Variants in MCF2L observed in about 807,000 individuals in gnomAD.
The protein encoded by MCF2L is MCF.2 cell line derived transforming sequence like.
Under a neutral mutation model 153.4 loss-of-function variants are expected in MCF2L, and 97 were observed. The observed-to-expected ratio is 0.63, with a 90% CI of 0.54 to 0.75. The LOEUF is 0.75. Ranked by LOEUF, MCF2L falls within the 30% of genes least tolerant of loss-of-function variation. MCF2L has a pLI of 0.00. For synonymous variants in MCF2L, 659 were observed against 632.2 expected (o/e 1.04, Z -0.64); for missense variants, 1,347 against 1,495.2 (o/e 0.90, Z 1.64).
Position 113,096,881 on chromosome 13 carries a change from C to G in MCF2L, c.*22C>G. The G allele has an allele frequency of 2.9e-6, 4 of 1,377,596 alleles. No individual in the cohort carries two copies. The highest frequency in any genetic ancestry group is 3.7e-6 in the Non-Finnish European group (4 of 1,069,972). 85.3% of individuals were successfully genotyped at this position (1,377,596 alleles called of 1,614,324 possible). A position where few individuals can be genotyped will look rare whatever the true frequency, so the allele number is the denominator to read the frequency against. The stretch of plus-strand genomic sequence containing the variant: ...GTAGCGCGGCCTCGGCGCCGGAGAC[C>G]CGCGCGCTGTCTGGGGCTGCGGTGG... On this transcript the variant is annotated 3_prime_UTR_variant, in exon 30 of 30. Transcript: ENST00000535094.
intron 2 of MCF2L, among the ~76,000 whole-genome samples, chr13:112,954,381 G>A (rs564601768): frequency 1.3e-5 from 2 of 152,260 alleles, no homozygotes; most frequent in South Asian, 2.1e-4. Context: ...AAACCTCGAG[G>A]AGGCAGCACC....
intron 15 of MCF2L, among the ~76,000 whole-genome samples, chr13:113,079,660 GTC>G (rs969661096): frequency 6.6e-6 from 1 of 152,216 alleles, no homozygotes; most frequent in African/African-American, 2.4e-5. Flanking sequence ...TGAAAGCTGA[GTC>G]TGTCACTTCC....
intron 2 of MCF2L, chr13:112,909,432 G>C: frequency 1.4e-6 from 1 of 696,216 alleles, no homozygotes; most frequent in Non-Finnish European, 2.6e-6. Context: ...GGGCAGGCCT[G>C]AGCATTCACC....
chr13:113,089,583 CCT>C (rs775363877), intron 25 of MCF2L, 25 bp from the exon 26 acceptor site: 194 of 1,500,482 alleles, frequency 1.3e-4, no homozygotes, highest in Non-Finnish European at 1.8e-4. Context: ...CACACTATTT[CCT>C]TTTTGATTTG....
chr13:112,919,463 C>T (rs1002031814), intron 2 of MCF2L, among the ~76,000 whole-genome samples: 1 of 152,030 alleles, frequency 6.6e-6, no homozygotes, highest in African/African-American at 2.4e-5. Context: ...CCTCGGCCTC[C>T]CAAAGTGCTG....
At chr13:113,079,674 G>A (rs1417103599) in intron 15 of MCF2L, among the ~76,000 whole-genome samples, 1 of 152,188 alleles carries the variant, frequency 6.6e-6, no homozygotes, top group Non-Finnish European at 1.5e-5. Flanking sequence ...GTCACTTCCG[G>A]CTTCTGATGG....
chr13:112,918,382 G>A (rs994155124), intron 2 of MCF2L, among the ~76,000 whole-genome samples: 2 of 152,206 alleles, frequency 1.3e-5, no homozygotes, highest in African/African-American at 2.4e-5. Context: ...AGTAGACTGG[G>A]AGAGAGAGCA....
intron 1 of MCF2L, among the ~76,000 whole-genome samples, chr13:112,973,107 T>A (rs1200920839): frequency 6.6e-6 from 1 of 151,922 alleles, no homozygotes; most frequent in Non-Finnish European, 1.5e-5. Context: ...GAGCTCTCAG[T>A]GGAGTAGGTG....
intron 2 of MCF2L, among the ~76,000 whole-genome samples, chr13:112,918,625 C>A (rs2081321099): frequency 6.6e-6 from 1 of 152,178 alleles, no homozygotes; most frequent in South Asian, 2.1e-4. Context: ...TTGGAAGATT[C>A]CAGTGATGAA....
intron 7 of MCF2L, 32 bp from the exon 8 acceptor site, chr13:113,066,014 G>T (rs761434316): frequency 1.9e-5 from 30 of 1,606,904 alleles, no homozygotes; most frequent in Non-Finnish European, 2.5e-5. Context: ...GCCTGGACGG[G>T]GCCGGGACAT....
chr13:112,920,322 T>C (rs1312749428), intron 2 of MCF2L, among the ~76,000 whole-genome samples: 1 of 152,202 alleles, frequency 6.6e-6, no homozygotes, highest in Non-Finnish European at 1.5e-5. Context: ...AGAAGAAAAC[T>C]CTGCATTCAA....
In MCF2L at chr13:113,024,908, A is replaced by G. The variant is rs1014846747; in HGVS notation, c.278+150A>G. 1.1e-5 allele frequency: 7 copies of G among 651,612 alleles called. 1 individual carries two copies. The highest frequency in any genetic ancestry group is 2.5e-4 in the Middle Eastern group (1 of 3,966). The allele number at this position is 651,612 out of a possible 1,614,324, so 40.4% of individuals were successfully genotyped here. A position where few individuals can be genotyped will look rare whatever the true frequency, so the allele number is the denominator to read the frequency against. ...GGTCCCCGTGACTGTGGGTCGGGGC[A>G]GAGTCCCTGTGAGATTTCCCCATCA... On this transcript the variant is annotated intron_variant, in intron 3 of 29. Transcript: ENST00000535094.
intron 26 of MCF2L, chr13:113,090,501 G>T: frequency 2.0e-6 from 2 of 984,536 alleles, no homozygotes; most frequent in Middle Eastern, 5.2e-4. Context: ...GACCTTGCTG[G>T]CTGCGTGTCT....
chr13:112,984,808 C>A (rs1240302783), intron 1 of MCF2L, among the ~76,000 whole-genome samples: 1 of 152,116 alleles, frequency 6.6e-6, no homozygotes, highest in Non-Finnish European at 1.5e-5. Flanking sequence ...GGGGAGAGGG[C>A]GTCAGGATGC....
rs2035755881 is a variant in MCF2L, at chr13:113,097,541, A to G, written c.*682A>G. On this transcript the variant is annotated 3_prime_UTR_variant, in exon 30 of 30. Coordinates refer to ENST00000535094, the MANE Select transcript of MCF2L (RefSeq NM_001112732.3). ...GGATGAAAACGTGTCCGTGGGTGACATCAGGTGGTGTCTCCACCACCAAAA... is the reference window on the plus strand; with the variant it reads ...GGATGAAAACGTGTCCGTGGGTGACGTCAGGTGGTGTCTCCACCACCAAAA... 1 of 152,210 alleles carries G rather than the reference A, an allele frequency of 6.6e-6. No individual in the cohort carries two copies. Among genetic ancestry groups the G allele is most frequent in the African/African-American group, 2.4e-5 (1 of 41,458 alleles). 9.4% of individuals were successfully genotyped at this position (152,210 alleles called of 1,614,324 possible).
At position 113,075,158 on chromosome 13, in the gene MCF2L, A is replaced by G; in HGVS notation, c.1277A>G (p.Lys426Arg). Reference protein sequence around the residue: ...EIARRRGLLSKSLELHRRLET... With the variant: ...EIARRRGLLSRSLELHRRLET... ...GCAAGGAGGAGGGGGCTGCTCAGCA[A>G]GTCCCTGGAGCTGCACCGCCGCCTG... The change falls in exon 11 of 30, where the codon AAG (lysine) becomes AGG (arginine). Residue 426 changes from lysine (K) to arginine (R), a missense_variant. Physicochemically the swap from Lys to Arg is conservative, Grantham distance 26. Around this residue, in one of 3 missense-constraint regions of MCF2L, gnomAD observed 820 missense variants for 921.2 expected, o/e 0.89. Coordinates refer to ENST00000535094, the MANE Select transcript of MCF2L (RefSeq NM_001112732.3). 6.2e-7 allele frequency: 1 copy of G among 1,609,144 alleles called. No homozygotes were observed. The highest frequency in any genetic ancestry group is 8.5e-7 in the Non-Finnish European group (1 of 1,177,234).
chr13:113,038,009 A>T (rs979685802), intron 3 of MCF2L, among the ~76,000 whole-genome samples: 8 of 152,216 alleles, frequency 5.3e-5, no homozygotes, highest in African/African-American at 1.9e-4. Context: ...ACTAAACTTA[A>T]TTGTATTTTA....
At chr13:113,083,068 G>T (rs1400778039) in intron 17 of MCF2L, among the ~76,000 whole-genome samples, 1 of 152,212 alleles carries the variant, frequency 6.6e-6, no homozygotes, top group East Asian at 1.9e-4. Flanking sequence ...CAGGTGGCCT[G>T]TCCGGCCTCT....
chr13:112,910,601 A>T (rs1007574678), intron 2 of MCF2L: 1 of 152,274 alleles, frequency 6.6e-6, no homozygotes, highest in African/African-American at 2.4e-5. Flanking sequence ...GCACCTAAAT[A>T]TAAATGTTTT....
Sources: allele counts gnomAD v4.1 joint callset (sites outside exome capture counted in the v4.1 genomes callset), GRCh38; gene constraint gnomAD v4.1.1; regional missense constraint gnomAD v4.1.1; transcripts MANE v1.5; gene names NCBI Gene and HGNC (gene_info 2026-07-23, HGNC 2026-07-21).